KCNIP4: variants seen among roughly 807,000 people sequenced by gnomAD.
The protein encoded by KCNIP4 is potassium voltage-gated channel interacting protein 4.
Under a neutral mutation model 34.0 loss-of-function variants are expected in KCNIP4, and 12 were observed. That is an observed-to-expected ratio of 0.35 (90% CI 0.23 to 0.57). The LOEUF is 0.57. Ranked by LOEUF, KCNIP4 falls within the 20% of genes least tolerant of loss-of-function variation. The pLI is 0.83. For missense variants in KCNIP4, 238 were observed against 311.7 expected (o/e 0.76, Z 1.78); for synonymous variants, 124 against 102.2 (o/e 1.21, Z -1.29).
At chr4:21,438,639 G>C (rs1362545476) in intron 1 of KCNIP4, among the ~76,000 whole-genome samples, 1 of 152,024 alleles carries the variant, frequency 6.6e-6, no homozygotes, top group Admixed American at 6.5e-5. Context: ...GGTAATAATA[G>C]ACTATTAACA....
At chr4:21,224,389 C>T (rs1390249822) in intron 1 of KCNIP4, among the ~76,000 whole-genome samples, 1 of 151,496 alleles carries the variant, frequency 6.6e-6, no homozygotes, top group African/African-American at 2.4e-5. Flanking sequence ...ATCCTGAGGG[C>T]CCCACCCTCA....
At chr4:21,648,193 A>C (rs1747185204) in intron 1 of KCNIP4, among the ~76,000 whole-genome samples, 1 of 152,006 alleles carries the variant, frequency 6.6e-6, no homozygotes, top group Non-Finnish European at 1.5e-5. Context: ...CTTTTAAAAA[A>C]CAGATGAATA....
At chr4:21,442,620 C>G (rs1311895804) in intron 1 of KCNIP4, among the ~76,000 whole-genome samples, 1 of 152,176 alleles carries the variant, frequency 6.6e-6, no homozygotes, top group African/African-American at 2.4e-5. Context: ...TTCTAGCACA[C>G]AATTTCCTAA....
chr4:20,994,976 G>A, intron 1 of KCNIP4, among the ~76,000 whole-genome samples: 1 of 152,132 alleles, frequency 6.6e-6, no homozygotes, highest in East Asian at 1.9e-4. Context: ...AAATGTGCTT[G>A]CATCTTATAC....
chr4:21,001,990 C>A (rs920296278), intron 1 of KCNIP4, among the ~76,000 whole-genome samples: 1 of 152,142 alleles, frequency 6.6e-6, no homozygotes, highest in Non-Finnish European at 1.5e-5. Context: ...ACTTATAATA[C>A]AGTTGAAAGG....
intron 1 of KCNIP4, among the ~76,000 whole-genome samples, chr4:21,173,442 A>T (rs1289277531): frequency 6.6e-6 from 1 of 152,176 alleles, no homozygotes; most frequent in East Asian, 1.9e-4. Context: ...GAGAGGTTTC[A>T]ACAGTCAATA....
At chr4:20,977,125 G>A (rs544508004) in intron 1 of KCNIP4, among the ~76,000 whole-genome samples, 4 of 152,218 alleles carry the variant, frequency 2.6e-5, no homozygotes, top group East Asian at 3.9e-4. Flanking sequence ...GAGCCACTGC[G>A]CCTGGCCAAA....
chr4:21,220,077 G>T (rs188359450), intron 1 of KCNIP4, among the ~76,000 whole-genome samples: 27 of 152,170 alleles, frequency 1.8e-4, no homozygotes, highest in African/African-American at 6.0e-4. Flanking sequence ...TTATTTGTTT[G>T]GTTGCTTTTT....
At chr4:21,193,126 A>T (rs1755800195) in intron 1 of KCNIP4, among the ~76,000 whole-genome samples, 1 of 151,756 alleles carries the variant, frequency 6.6e-6, no homozygotes, top group Non-Finnish European at 1.5e-5. Context: ...AAAAAAAAAA[A>T]AAGTCTGGTT....
intron 1 of KCNIP4, among the ~76,000 whole-genome samples, chr4:21,131,657 A>T (rs1751083654): frequency 6.6e-6 from 1 of 152,142 alleles, no homozygotes; most frequent in Non-Finnish European, 1.5e-5. Context: ...GAAGAGGGCA[A>T]TGATTGGAAG....
At chr4:21,794,271 AT>A (rs1362047031) in intron 1 of KCNIP4, among the ~76,000 whole-genome samples, 1 of 152,146 alleles carries the variant, frequency 6.6e-6, no homozygotes, top group African/African-American at 2.4e-5. Flanking sequence ...TTAAAGTATA[AT>A]TTAAAAAAAA....
At chr4:20,764,189 G>GA (rs986614101) in intron 3 of KCNIP4, among the ~76,000 whole-genome samples, 3 of 151,686 alleles carry the variant, frequency 2.0e-5, no homozygotes, top group Non-Finnish European at 4.4e-5. Flanking sequence ...GCCCTCTATA[G>GA]AAAAAAATTA....
At chr4:21,819,224 T>G (rs1722179649) in intron 1 of KCNIP4, among the ~76,000 whole-genome samples, 1 of 152,202 alleles carries the variant, frequency 6.6e-6, no homozygotes, top group African/African-American at 2.4e-5. Context: ...TGTTCTTGAG[T>G]TTCATCTGTC....
intron 1 of KCNIP4, among the ~76,000 whole-genome samples, chr4:21,681,837 C>G (rs888726765): frequency 6.6e-6 from 1 of 151,800 alleles, no homozygotes; most frequent in Non-Finnish European, 1.5e-5. Context: ...AGAGCAAAAG[C>G]AGAAGTAAGA....
chr4:21,675,210 G>T (rs1749798130), intron 1 of KCNIP4, among the ~76,000 whole-genome samples: 1 of 152,084 alleles, frequency 6.6e-6, no homozygotes, highest in Admixed American at 6.6e-5. Context: ...GACAAATATT[G>T]CATATTCTCA....
chr4:21,644,885 T>C (rs1170712512), intron 1 of KCNIP4, among the ~76,000 whole-genome samples: 1 of 152,132 alleles, frequency 6.6e-6, no homozygotes, highest in South Asian at 2.1e-4. Context: ...AAAACTGGTG[T>C]AGTGAATTCA....
intron 1 of KCNIP4, among the ~76,000 whole-genome samples, chr4:21,234,526 T>G (rs1337228191): frequency 4.1e-5 from 5 of 121,128 alleles, no homozygotes; most frequent in Admixed American, 1.8e-4. Context: ...ATAATATATA[T>G]TACATATAAC....
intron 1 of KCNIP4, among the ~76,000 whole-genome samples, chr4:20,946,727 A>T (rs1732229552): frequency 6.6e-6 from 1 of 152,132 alleles, no homozygotes; most frequent in Admixed American, 6.6e-5. Flanking sequence ...TGAGCAATGG[A>T]CTAACCTTCT....
chr4:20,974,295 C>T (rs1735268501), intron 1 of KCNIP4, among the ~76,000 whole-genome samples: 1 of 152,090 alleles, frequency 6.6e-6, no homozygotes, highest in African/African-American at 2.4e-5. Context: ...TGAATGAACA[C>T]AAATTAAGTA....
Sources: allele counts gnomAD v4.1 joint callset (sites outside exome capture counted in the v4.1 genomes callset), GRCh38; gene constraint gnomAD v4.1.1; transcripts MANE v1.5; gene names NCBI Gene and HGNC (gene_info 2026-07-23, HGNC 2026-07-21).